The following GSTA4 variants were observed in gnomAD, a reference collection of about 807,000 sequenced individuals.
The protein encoded by GSTA4 is glutathione S-transferase A4.
Under a neutral mutation model 24.4 loss-of-function variants are expected in GSTA4, and 15 were observed. The observed-to-expected ratio is 0.61, with a 90% CI of 0.41 to 0.95. GSTA4 has a LOEUF of 0.95. Ranked by LOEUF, GSTA4 falls within the 40% of genes least tolerant of loss-of-function variation. The pLI is 0.00. For synonymous variants in GSTA4, 92 were observed against 94.2 expected (o/e 0.98, Z 0.13); for missense variants, 244 against 262.1 (o/e 0.93, Z 0.48).
intron 6 of GSTA4, among the ~76,000 whole-genome samples, chr6:52,979,939 G>A (rs191208125): frequency 1.3e-5 from 2 of 152,274 alleles, no homozygotes; most frequent in East Asian, 3.9e-4. Flanking sequence ...AGTTATCAAA[G>A]TATAGTAAAA....
Position 52,984,497 on chromosome 6 carries a change from C to T in GSTA4, c.381G>A (p.Lys127=), listed in dbSNP as rs1414303437. The T allele has an allele frequency of 6.2e-6, 10 of 1,613,930 alleles. No individual in the cohort carries two copies. The highest frequency in any genetic ancestry group is 8.5e-6 in the Non-Finnish European group (10 of 1,179,906). Residue 127 remains lysine, a synonymous_variant, in exon 5 of 7, where the codon AAG becomes AAA. Coordinates refer to ENST00000370963, the MANE Select transcript of GSTA4 (RefSeq NM_001512.4). Reference sequence around the variant, plus strand: ...ACACAGGAAAGTATCTAATTATAGCCTTCTGGGCCATGTTAACCACTTCCT... The same window carrying T: ...ACACAGGAAAGTATCTAATTATAGCTTTCTGGGCCATGTTAACCACTTCCT... ...QQKEVVNMAQ[K]AIIRYFPVFE... is the part of the protein sequence containing the mutation.
At chr6:52,983,518 C>G (rs1373416104) in intron 5 of GSTA4, among the ~76,000 whole-genome samples, 2 of 152,186 alleles carry the variant, frequency 1.3e-5, no homozygotes, top group Non-Finnish European at 2.9e-5. Context: ...TAGTCAGAGG[C>G]CAGAGTTCCA....
chr6:52,980,039 T>C (rs1396566806), intron 6 of GSTA4, among the ~76,000 whole-genome samples: 1 of 152,188 alleles, frequency 6.6e-6, no homozygotes, highest in Non-Finnish European at 1.5e-5. Flanking sequence ...AGTTTTAAAA[T>C]ATTGATGCTC....
intron 1 of GSTA4, 185 bp downstream of exon 1, chr6:52,995,064 G>A (rs371510549): frequency 3.3e-5 from 5 of 152,614 alleles, no homozygotes; most frequent in African/African-American, 1.2e-4. Context: ...CCAGCCAAGG[G>A]GCCCACCTCT....
intron 6 of GSTA4, among the ~76,000 whole-genome samples, chr6:52,981,100 T>C (rs147795183): frequency 1.3e-5 from 2 of 151,596 alleles, no homozygotes; most frequent in East Asian, 1.9e-4. Context: ...TCTGCAAAAG[T>C]AAATGAAAAA....
intron 6 of GSTA4, among the ~76,000 whole-genome samples, chr6:52,980,888 G>A (rs1279973765): frequency 6.6e-6 from 1 of 152,126 alleles, no homozygotes; most frequent in African/African-American, 2.4e-5. Flanking sequence ...TGGGGTTGAC[G>A]GGACAGATGA....
At chr6:52,981,723 A>C (rs1302540392) in intron 6 of GSTA4, among the ~76,000 whole-genome samples, 1 of 146,192 alleles carries the variant, frequency 6.8e-6, no homozygotes, top group Non-Finnish European at 1.5e-5. Context: ...CTAAGGTTCT[A>C]GATAAAACTC....
intron 4 of GSTA4, 74 bp from the exon 5 acceptor site, chr6:52,984,679 A>C: frequency 9.7e-7 from 1 of 1,029,450 alleles, no homozygotes; most frequent in South Asian, 1.4e-5. Context: ...AAGAATTCAG[A>C]GTGCTTTTTT....
At position 52,987,398 on chromosome 6, in the gene GSTA4, T is replaced by C. The variant is rs1763583455; in HGVS notation, c.98A>G (p.Glu33Gly). ...LAAAGVEFDEEFLETKEQLYK... is the reference protein window; with the variant it reads ...LAAAGVEFDEGFLETKEQLYK... ...CAACTGTTCTTTTGTTTCCAGAAATTCTTCATCAAACTAAATTTTTAAAAA... is the reference window on the plus strand; with the variant it reads ...CAACTGTTCTTTTGTTTCCAGAAATCCTTCATCAAACTAAATTTTTAAAAA... The change falls in exon 3 of 7, where the codon GAA (glutamate) becomes GGA (glycine). Residue 33 changes from glutamate to glycine, a missense_variant. Glu to Gly is a moderately conservative substitution (Grantham distance 98). Transcript: ENST00000370963. 6.3e-7 allele frequency: 1 copy of C among 1,577,598 alleles called. No individual in the cohort carries two copies. The highest frequency in any genetic ancestry group is 8.7e-7 in the Non-Finnish European group (1 of 1,148,860).
At chr6:52,979,540 G>C (rs2127382685) in intron 6 of GSTA4, among the ~76,000 whole-genome samples, 1 of 152,278 alleles carries the variant, frequency 6.6e-6, no homozygotes, top group East Asian at 1.9e-4. Flanking sequence ...CTCAGTAACT[G>C]AGAAGAAAAG....
At position 52,978,161 on chromosome 6, in the gene GSTA4, G is replaced by A. The variant is rs760222435; in HGVS notation, c.*309C>T. The A allele has an allele frequency of 3.3e-6, 1 of 299,462 alleles. No individual in the cohort carries two copies. The highest frequency in any genetic ancestry group is 2.3e-5 in the African/African-American group (1 of 43,924). 18.6% of individuals were successfully genotyped at this position (299,462 alleles called of 1,614,324 possible). A position where few individuals can be genotyped will look rare whatever the true frequency, so the allele number is the denominator to read the frequency against. ...GGAGAGTAGAAAGACACTCAGGAGA[G>A]AACAAGAGATCCTGCCCATTCTTAT... On this transcript the variant is annotated 3_prime_UTR_variant, in exon 7 of 7. Coordinates refer to ENST00000370963, the MANE Select transcript of GSTA4 (RefSeq NM_001512.4).
rs750712081 is a variant in GSTA4, at chr6:52,985,517, C to T, written c.206G>A (p.Arg69Gln). The T allele has an allele frequency of 8.7e-6, 14 of 1,613,902 alleles. 1 individual carries two copies. In the Admixed American group the frequency reaches 1.2e-4, roughly 13 times the overall value. ...GTCTGCTATGTAGTGGAGAATGCTT[C>T]GGGTCTGTACCAACTTCATCCCGTC... is the stretch of plus-strand genomic sequence containing the variant. Reference protein sequence around the residue: ...EIDGMKLVQTRSILHYIADKH... With the variant: ...EIDGMKLVQTQSILHYIADKH... Residue 69 changes from arginine (R) to glutamine (Q), a missense_variant, in exon 4 of 7, where the codon CGA becomes CAA. Coordinates refer to ENST00000370963, the MANE Select transcript of GSTA4 (RefSeq NM_001512.4).
At chr6:52,988,624 G>GA (rs1175223217) in intron 2 of GSTA4, among the ~76,000 whole-genome samples, 2 of 151,850 alleles carry the variant, frequency 1.3e-5, no homozygotes, top group African/African-American at 2.4e-5. Flanking sequence ...TCGAAGGCAT[G>GA]AAAAAAAAGT....
At chr6:52,979,716 G>C (rs927042539) in intron 6 of GSTA4, among the ~76,000 whole-genome samples, 1 of 152,170 alleles carries the variant, frequency 6.6e-6, no homozygotes, top group Non-Finnish European at 1.5e-5. Flanking sequence ...TTATGTGCAA[G>C]GCACAGCCTT....
At chr6:52,993,642 A>T (rs1049726302) in intron 2 of GSTA4, among the ~76,000 whole-genome samples, 5 of 152,216 alleles carry the variant, frequency 3.3e-5, no homozygotes, top group Admixed American at 2.0e-4. Flanking sequence ...ATTAGCATAG[A>T]GCTGATGATT....
chr6:52,991,711 G>A (rs1464157941), intron 2 of GSTA4, among the ~76,000 whole-genome samples: 1 of 150,046 alleles, frequency 6.7e-6, no homozygotes, highest in East Asian at 1.9e-4. Flanking sequence ...AATGGCACTA[G>A]AAACAAACGT....
intron 5 of GSTA4, among the ~76,000 whole-genome samples, chr6:52,983,312 A>C (rs1581909484): frequency 6.6e-6 from 1 of 152,372 alleles, no homozygotes; most frequent in East Asian, 1.9e-4. Flanking sequence ...TGTGGGGCTT[A>C]TAAGAATAGA....
intron 5 of GSTA4, among the ~76,000 whole-genome samples, chr6:52,983,120 T>C (rs550457077): frequency 6.6e-6 from 1 of 152,322 alleles, no homozygotes; most frequent in Admixed American, 6.5e-5. Context: ...TTAAGAAATC[T>C]AAGTGATAGA....
rs373783066 is a variant in GSTA4, at chr6:52,991,700, A to G, written c.87+2457T>C. Among the ~76,000 whole-genome samples the G allele has an allele frequency of 4.7e-4, 71 of 152,340 alleles. 1 individual carries two copies. The highest frequency in any genetic ancestry group is 1.5e-3 in the African/African-American group (63 of 41,578). On this transcript the variant is annotated intron_variant, in intron 2 of 6. Coordinates refer to ENST00000370963, the MANE Select transcript of GSTA4 (RefSeq NM_001512.4). ...CTACAGGGCAGTTTCTTCCAAAAAT[A>G]AATGGCACTAGAAACAAACGTAGAC...
Sources: allele counts gnomAD v4.1 joint callset (sites outside exome capture counted in the v4.1 genomes callset), GRCh38; gene constraint gnomAD v4.1.1; transcripts MANE v1.5; gene names NCBI Gene and HGNC (gene_info 2026-07-23, HGNC 2026-07-21).